CAPN2: variants seen among roughly 807,000 people sequenced by gnomAD.
CAPN2 encodes calpain-2 catalytic subunit.
A neutral mutation model predicts 102.3 loss-of-function variants in CAPN2; 92 were observed. The observed-to-expected ratio is 0.90, with a 90% CI of 0.76 to 1.07. The LOEUF is 1.07. Ranked by LOEUF, CAPN2 falls within the 50% of genes least tolerant of loss-of-function variation. CAPN2 has a pLI of 0.00. For synonymous variants in CAPN2, 340 were observed against 355.4 expected (o/e 0.96, Z 0.49); for missense variants, 800 against 909.4 (o/e 0.88, Z 1.55).
At chr1:223,714,898 A>G (rs1225864301) in intron 1 of CAPN2, among the ~76,000 whole-genome samples, 2 of 152,236 alleles carry the variant, frequency 1.3e-5, no homozygotes, top group African/African-American at 4.8e-5. Flanking sequence ...GTAGAGGTCT[A>G]GAGATGATCT....
chr1:223,714,757 C>T (rs941220498), intron 1 of CAPN2, among the ~76,000 whole-genome samples: 39 of 152,176 alleles, frequency 2.6e-4, no homozygotes, highest in African/African-American at 7.2e-4. Context: ...AAGCATTTCT[C>T]GAATACCTAC....
chr1:223,708,984 T>C (rs1050701922), upstream of CAPN2, among the ~76,000 whole-genome samples: 57 of 152,152 alleles, frequency 3.7e-4, no homozygotes, highest in South Asian at 2.1e-4. Context: ...GATTCTTCTT[T>C]TCTAGGGTAA....
intron 18 of CAPN2, 76 bp downstream of exon 18, chr1:223,770,601 A>G (rs1342908320): frequency 2.1e-6 from 2 of 938,304 alleles, no homozygotes; most frequent in Non-Finnish European, 3.4e-6. Flanking sequence ...CTTATACCAT[A>G]TAACACAAGA....
upstream of CAPN2, chr1:223,712,461 C>G (rs969480544): frequency 8.8e-7 from 1 of 1,141,946 alleles, no homozygotes; most frequent in Non-Finnish European, 1.1e-6. Context: ...CCCAGCAGGC[C>G]GGGAGCGGCT....
chr1:223,747,358 C>G (rs1435732078), intron 5 of CAPN2, among the ~76,000 whole-genome samples, 193 bp downstream of exon 5: 2 of 152,182 alleles, frequency 1.3e-5, no homozygotes, highest in African/African-American at 4.8e-5. Flanking sequence ...AAGACTAATA[C>G]AAGAAATGGC....
chr1:223,773,635 G>A (rs1017378428), intron 20 of CAPN2, among the ~76,000 whole-genome samples: 4 of 151,866 alleles, frequency 2.6e-5, no homozygotes, highest in Admixed American at 2.0e-4. Context: ...CGGAGGTTGC[G>A]GCGAGCTGAG....
In CAPN2 at chr1:223,712,708, G is replaced by T. The variant is rs549923241; in HGVS notation, c.68G>T (p.Arg23Met). 3.7e-5 allele frequency: 59 copies of T among 1,582,166 alleles called. 1 individual carries two copies. The East Asian group carries it at 1.2e-3, about 32-fold the overall frequency. Reference sequence around the variant, plus strand: ...GCCGAGGGGCTGGGCTCCCACGACAGGGCCATCAAGTACCTCAACCAGGAC... The same window carrying T: ...GCCGAGGGGCTGGGCTCCCACGACATGGCCATCAAGTACCTCAACCAGGAC... The part of the protein sequence containing the change: ...EAAEGLGSHD[R>M]AIKYLNQDYE... The change falls in exon 1 of 21, where the codon AGG becomes ATG. Residue 23 changes from arginine (R) to methionine (M), a missense_variant. Transcript: ENST00000295006.
In CAPN2 at chr1:223,727,718, G is replaced by A. The variant is rs752289978; in HGVS notation, c.307+9887G>A. On this transcript the variant is annotated intron_variant, in intron 2 of 20. Transcript: ENST00000295006. The surrounding 1 kb of genome is among the most constrained non-coding windows in gnomAD (Gnocchi z 4.1). ...GGAAAGGAGAAAACATTGCATGTACGGGGTCAGGGCAGCATTGCTGGGATA... is the reference window on the plus strand; with the variant it reads ...GGAAAGGAGAAAACATTGCATGTACAGGGTCAGGGCAGCATTGCTGGGATA... Among the ~76,000 whole-genome samples the A allele has an allele frequency of 3.3e-5, 5 of 152,178 alleles. No individual in the cohort carries two copies. The highest frequency in any genetic ancestry group is 4.8e-5 in the African/African-American group (2 of 41,436).
chr1:223,709,346 T>C (rs1341221749), upstream of CAPN2, among the ~76,000 whole-genome samples: 1 of 152,182 alleles, frequency 6.6e-6, no homozygotes, highest in African/African-American at 2.4e-5. Flanking sequence ...CTCATATTAG[T>C]ATAAAATAAA....
intron 7 of CAPN2, 39 bp downstream of exon 7, chr1:223,751,014 G>T: frequency 2.0e-6 from 3 of 1,473,116 alleles, no homozygotes; most frequent in Non-Finnish European, 2.8e-6. Flanking sequence ...AGGCGGGGGT[G>T]CATTGTGCTG....
At chr1:223,740,933 C>G (rs1441315941) in intron 2 of CAPN2, among the ~76,000 whole-genome samples, 1 of 152,138 alleles carries the variant, frequency 6.6e-6, no homozygotes, top group Admixed American at 6.5e-5. Flanking sequence ...ACATCAAAAG[C>G]CTGTGCTTTG....
intron 8 of CAPN2, among the ~76,000 whole-genome samples, chr1:223,752,438 A>AC (rs1304540085): frequency 6.6e-6 from 1 of 152,106 alleles, no homozygotes; most frequent in Admixed American, 6.5e-5. Flanking sequence ...GCAGCAATGG[A>AC]CCCACATGTC....
In CAPN2 at chr1:223,755,185, C is replaced by A. The variant is rs115158506; in HGVS notation, c.1136-295C>A. On this transcript the variant is annotated intron_variant, in intron 9 of 20. Transcript: ENST00000295006. The surrounding 1 kb of genome is among the most constrained non-coding windows in gnomAD (Gnocchi z 4.1). ...CCTGCCGTCTCTGACCATCTTCTGC[C>A]ATCCTCTGCCATCTCCCACCATCTC... Among the ~76,000 whole-genome samples the A allele has an allele frequency of 8.1e-3, 1,227 of 152,214 alleles. 12 individuals carry two copies. Among genetic ancestry groups the A allele is most frequent in the African/African-American group, 0.028 (1,160 of 41,522 alleles).
chr1:223,761,616 A>G lies in CAPN2; in HGVS notation c.1565A>G (p.Glu522Gly), dbSNP rs1368612221. 6.2e-7 allele frequency: 1 copy of G among 1,611,146 alleles called. No individual in the cohort carries two copies. Among genetic ancestry groups the G allele is most frequent in the African/African-American group, 1.3e-5 (1 of 74,862 alleles). The change falls in exon 13 of 21, where the codon GAG becomes GGG. Residue 522 changes from glutamate (E) to glycine (G), a missense_variant and splice_region_variant. Transcript: ENST00000295006. ...VDDEIEANLEEFDISEDDIDD... is the reference protein window; with the variant it reads ...VDDEIEANLEGFDISEDDIDD... ...GATGAAATCGAGGCCAATCTTGAAG[A>G]GGTATTTGTAACTCTTTGAATTTCA...
At chr1:223,732,197 A>G (rs1396709467) in intron 2 of CAPN2, among the ~76,000 whole-genome samples, 1 of 152,002 alleles carries the variant, frequency 6.6e-6, no homozygotes, top group Non-Finnish European at 1.5e-5. Context: ...GTTACCAGAA[A>G]GGGGTCCTGA....
chr1:223,734,080 A>C (rs567315107), intron 2 of CAPN2, among the ~76,000 whole-genome samples: 6 of 152,106 alleles, frequency 3.9e-5, no homozygotes, highest in Admixed American at 3.9e-4. Flanking sequence ...CAGGGAAGGG[A>C]CCTCAAGGCC....
chr1:223,722,281 CTTTTTTTTT>C (rs34894876), intron 2 of CAPN2, among the ~76,000 whole-genome samples: 2 of 85,494 alleles, frequency 2.3e-5, no homozygotes, highest in African/African-American at 8.6e-5. Flanking sequence ...TTCTTTCTTT[CTTTTTTTTT>C]TTTTTTTTTT....
intron 16 of CAPN2, among the ~76,000 whole-genome samples, chr1:223,767,084 G>A (rs1472195739): frequency 6.6e-6 from 1 of 152,150 alleles, no homozygotes; most frequent in East Asian, 1.9e-4. Context: ...CCTCAGTGAT[G>A]TGTTTCCATT....
chr1:223,770,224 A>G, intron 17 of CAPN2: 1 of 591,468 alleles, frequency 1.7e-6, no homozygotes. Flanking sequence ...ACATGGACCT[A>G]TGGGCGTTGG....
Sources: allele counts gnomAD v4.1 joint callset (sites outside exome capture counted in the v4.1 genomes callset), GRCh38; gene constraint gnomAD v4.1.1; non-coding constraint Gnocchi (gnomAD v3.1); transcripts MANE v1.5; gene names NCBI Gene and HGNC (gene_info 2026-07-23, HGNC 2026-07-21).